Variants in EFCAB3 observed in about 807,000 individuals in gnomAD.
The protein encoded by EFCAB3 is EF-hand calcium binding domain 3.
A neutral mutation model predicts 42.2 loss-of-function variants in EFCAB3; 36 were observed. That is an observed-to-expected ratio of 0.85 (90% CI 0.65 to 1.13). The LOEUF (loss-of-function observed/expected upper bound fraction) is 1.13, where lower values mean the gene tolerates loss of function less well. Among genes scored for constraint, EFCAB3 ranks in the 50% most tolerant of loss-of-function variants. The probability of loss-of-function intolerance (pLI) is 0.00; values close to 1 mark genes in which losing one functional copy is unlikely to be tolerated. For synonymous variants in EFCAB3, 170 were observed against 172.8 expected (o/e 0.98, Z 0.13); for missense variants, 418 against 505.1 (o/e 0.83, Z 1.65).
At chr17:62,380,739 CT>C (rs1175911299) in intron 1 of EFCAB3, 126 bp downstream of exon 1, 1 of 348,364 alleles carries the variant, frequency 2.9e-6, no homozygotes, top group Non-Finnish European at 4.0e-6. Context: ...TTCACAGCAC[CT>C]TTCAAATGCC....
At chr17:62,407,237 A>T (rs747355771) in intron 8 of EFCAB3, 25 bp downstream of exon 8, 13 of 1,504,594 alleles carry the variant, frequency 8.6e-6, no homozygotes, top group Non-Finnish European at 1.2e-5. Flanking sequence ...ATGTCACATT[A>T]GTTAAATACT....
At chr17:62,401,087 T>C (rs2144097270) in intron 6 of EFCAB3, among the ~76,000 whole-genome samples, 1 of 152,370 alleles carries the variant, frequency 6.6e-6, no homozygotes, top group Admixed American at 6.5e-5. Flanking sequence ...AAATGTCTTC[T>C]TTTGAGAAGT....
At chr17:62,379,809 C>G (rs567011773), upstream of EFCAB3, among the ~76,000 whole-genome samples, 2 of 152,310 alleles carry the variant, frequency 1.3e-5, no homozygotes, top group East Asian at 3.9e-4. Context: ...ACCTTGGTTT[C>G]TGCTTAAAAC....
In EFCAB3 at chr17:62,370,249, A is replaced by AC. The variant is rs11429770; in HGVS notation, c.-40_-39insC. 19,063 of 1,550,876 alleles carry AC rather than the reference A, an allele frequency of 0.012. 1,776 individuals carry two copies. The African/African-American group carries it at 0.22, about 18-fold the overall frequency. On this transcript the variant is annotated 5_prime_UTR_variant, in exon 1 of 12. Transcript: ENST00000450662. Reference sequence around the variant, plus strand: ...GTGATTGATGTCCAGAACTTAGACAATTTCTAGCAAGCGAAGGGATTGAGC... The same window carrying AC: ...GTGATTGATGTCCAGAACTTAGACAACTTTCTAGCAAGCGAAGGGATTGAGC...
chr17:62,395,061 T>G lies in EFCAB3; in HGVS notation c.368-7T>G. 1 of 1,612,806 alleles carries G rather than the reference T, an allele frequency of 6.2e-7. No homozygotes were observed. The highest frequency in any genetic ancestry group is 1.1e-5 in the South Asian group (1 of 90,830). ...TTAAAAATCTATCTTTTGTTTTCCC[T>G]CCATAGTTCCAGAAAAGGAGACCTG... On this transcript the variant is annotated splice_polypyrimidine_tract_variant and splice_region_variant and intron_variant, in intron 5 of 9. Transcript: ENST00000305286.
intron 2 of EFCAB3, chr17:62,373,893 TA>T (rs1567718632): frequency 3.3e-6 from 4 of 1,221,942 alleles, no homozygotes; most frequent in East Asian, 2.6e-5. Context: ...TTATACAATA[TA>T]AAATTATAAT....
rs756846155 is a variant in EFCAB3 at position 62,395,193 on chromosome 17, G to A, written c.488+5G>A. 1.9e-6 allele frequency: 3 copies of A among 1,611,578 alleles called. No individual in the cohort carries two copies. Among genetic ancestry groups the A allele is most frequent in the Non-Finnish European group, 2.5e-6 (3 of 1,179,366 alleles). On this transcript the variant is annotated splice_donor_5th_base_variant and intron_variant, in intron 6 of 9. Coordinates refer to ENST00000305286, the MANE Select transcript of EFCAB3 (RefSeq NM_173503.4). Reference sequence around the variant, plus strand: ...GTCTATAATAGAAATAGTAAGGTAAGTGAGAAGGAAAGGAGCAAAAACAGC... The same window carrying A: ...GTCTATAATAGAAATAGTAAGGTAAATGAGAAGGAAAGGAGCAAAAACAGC...
chr17:62,374,624 A>T (rs992948296), intron 2 of EFCAB3, among the ~76,000 whole-genome samples: 2 of 152,160 alleles, frequency 1.3e-5, no homozygotes, highest in African/African-American at 4.8e-5. Context: ...AATGAATGGG[A>T]GATTTGAACA....
intron 2 of EFCAB3, among the ~76,000 whole-genome samples, chr17:62,383,996 G>T (rs912236040): frequency 1.2e-4 from 19 of 152,200 alleles, no homozygotes; most frequent in Middle Eastern, 3.4e-3. Context: ...AAAAATGAGA[G>T]CCTGATTTAT....
chr17:62,394,703 C>A (rs1185082447), intron 5 of EFCAB3, among the ~76,000 whole-genome samples: 1 of 152,146 alleles, frequency 6.6e-6, no homozygotes, highest in Non-Finnish European at 1.5e-5. Flanking sequence ...CATTCATAAT[C>A]TATGAACTGT....
At chr17:62,373,744 T>C (rs2070130464) in intron 1 of EFCAB3, 1 of 902,340 alleles carries the variant, frequency 1.1e-6, no homozygotes, top group South Asian at 1.6e-5. Flanking sequence ...TTATATTGTT[T>C]TTAATAATTT....
At chr17:62,382,268 C>A (rs1327885105) in intron 1 of EFCAB3, among the ~76,000 whole-genome samples, 1 of 152,080 alleles carries the variant, frequency 6.6e-6, no homozygotes, top group Non-Finnish European at 1.5e-5. Flanking sequence ...TAACTTTTTC[C>A]ATATATTTCC....
At chr17:62,401,562 T>C (rs1335384495) in intron 6 of EFCAB3, among the ~76,000 whole-genome samples, 2 of 152,206 alleles carry the variant, frequency 1.3e-5, no homozygotes, top group East Asian at 3.8e-4. Context: ...TCCCCATTGC[T>C]TGTTTTTGTC....
chr17:62,385,561 A>G (rs1667324378), intron 2 of EFCAB3, among the ~76,000 whole-genome samples: 2 of 152,190 alleles, frequency 1.3e-5, no homozygotes, highest in Admixed American at 1.3e-4. Context: ...TCCACTTTCA[A>G]AAGTTAAGAA....
rs114886995 is a variant in EFCAB3, at chr17:62,370,953, G to A, written c.34+631G>A. Among the ~76,000 whole-genome samples, 595 of 151,982 alleles carry A rather than the reference G, an allele frequency of 3.9e-3. 1 individual carries two copies. The highest frequency in any genetic ancestry group is 0.013 in the African/African-American group (537 of 41,438). On this transcript the variant is annotated intron_variant, in intron 1 of 11. Transcript: ENST00000450662. ...AAAAAAAAAATTTAATTATCCAGGC[G>A]TGATGGCACATGCCTATAGTCCTAG...
intron 2 of EFCAB3, among the ~76,000 whole-genome samples, chr17:62,384,584 C>A (rs2070232754): frequency 6.6e-6 from 1 of 152,158 alleles, no homozygotes; most frequent in Non-Finnish European, 1.5e-5. Context: ...CACTGTGCTT[C>A]AGCCTGGGCA....
chr17:62,374,070 T>C (rs2070132848), intron 2 of EFCAB3, among the ~76,000 whole-genome samples: 2 of 152,248 alleles, frequency 1.3e-5, no homozygotes, highest in Admixed American at 6.5e-5. Flanking sequence ...TCACCACAAA[T>C]TTTTTCCTTA....
At chr17:62,383,717 A>G (rs1280550097) in intron 2 of EFCAB3, among the ~76,000 whole-genome samples, 2 of 152,232 alleles carry the variant, frequency 1.3e-5, no homozygotes, top group East Asian at 1.9e-4. Context: ...TAGGGGGCTC[A>G]AGAAGTTATC....
chr17:62,381,387 C>A (rs1192548257), intron 1 of EFCAB3, among the ~76,000 whole-genome samples: 3 of 151,926 alleles, frequency 2.0e-5, no homozygotes, highest in Non-Finnish European at 4.4e-5. Flanking sequence ...TTTTCTTAAT[C>A]CAGTCTATCA....
Sources: gnomAD v4.1 joint callset for allele counts (sites outside exome capture counted in the v4.1 genomes callset) on GRCh38, gnomAD v4.1.1 for gene constraint, MANE v1.5 for transcripts, NCBI Gene and HGNC (gene_info 2026-07-23, HGNC 2026-07-21) for gene names.